ASPM: variants seen among roughly 807,000 people sequenced by gnomAD.
ASPM encodes assembly factor for spindle microtubules.
In ASPM, 256 loss-of-function variants were observed where a neutral mutation model predicts 366.4. The observed-to-expected ratio is 0.70, with a 90% CI of 0.63 to 0.77. The LOEUF is 0.77. Ranked by LOEUF, ASPM falls within the 30% of genes least tolerant of loss-of-function variation. The probability of loss-of-function intolerance (pLI) is 0.00; values close to 1 mark genes in which losing one functional copy is unlikely to be tolerated. For synonymous variants in ASPM, 1,414 were observed against 1,342.9 expected (o/e 1.05, Z -1.16); for missense variants, 4,146 against 4,090.4 (o/e 1.01, Z -0.37).
chr1:197,101,004 A>C lies in ASPM; in HGVS notation c.8247T>G (p.Phe2749Leu), dbSNP rs769152290. 14 of 1,612,350 alleles carry C rather than the reference A, an allele frequency of 8.7e-6. No individual in the cohort carries two copies. The highest frequency in any genetic ancestry group is 1.2e-5 in the Non-Finnish European group (14 of 1,179,146). ...QKSVRTIQAA[F>L]RGMKVRQKLK... Reference sequence around the variant, plus strand: ...ATTTTTGTCTAACTTTCATGCCTCTAAAAGCAGCCTGAATAGTTCGTACAG... The same window carrying C: ...ATTTTTGTCTAACTTTCATGCCTCTCAAAGCAGCCTGAATAGTTCGTACAG... The change falls in exon 18 of 28, where the codon TTT (phenylalanine) becomes TTG (leucine). Residue 2749 changes from phenylalanine to leucine, a missense_variant. Phe to Leu is a conservative substitution (Grantham distance 22). This residue lies in a region of ASPM where 3,624 missense variants were observed against 3,591.7 expected (regional missense o/e 1.01). Coordinates refer to ENST00000367409, the MANE Select transcript of ASPM (RefSeq NM_018136.5).
Position 197,090,913 on chromosome 1 carries a change from T to C in ASPM, c.9573A>G (p.Ala3191=), listed in dbSNP as rs886044195. Residue 3191 remains alanine, a synonymous_variant, in exon 23 of 28, where the codon GCA becomes GCG. Coordinates refer to ENST00000367409, the MANE Select transcript of ASPM (RefSeq NM_018136.5). The part of the protein sequence containing the change: ...RNRAASVIQK[A]VRHFLLRKKQ... ...TTTTACGGAGGAGAAAATGGCGCAC[T>C]GCTTTCTGTATTACTGATGCAGCCC... 1 of 1,613,512 alleles carries C rather than the reference T, an allele frequency of 6.2e-7. No individual in the cohort carries two copies. The highest frequency in any genetic ancestry group is 8.5e-7 in the Non-Finnish European group (1 of 1,179,652).
chr1:197,127,758 A>T (rs1215855251), intron 10 of ASPM, among the ~76,000 whole-genome samples: 1 of 152,234 alleles, frequency 6.6e-6, no homozygotes, highest in Middle Eastern at 3.2e-3. Flanking sequence ...ACTGTGGAAA[A>T]CTTGGGCAAT....
intron 17 of ASPM, among the ~76,000 whole-genome samples, chr1:197,115,989 C>A (rs910536700): frequency 3.3e-5 from 5 of 152,160 alleles, no homozygotes; most frequent in African/African-American, 1.2e-4. Context: ...TTTCCCCTTT[C>A]TAGATGCAAA....
At position 197,101,840 on chromosome 1, in the gene ASPM, G is replaced by C. The variant is rs1226568874; in HGVS notation, c.7411C>G (p.Leu2471Val). Reference sequence around the variant, plus strand: ...TCTTGTAACTTCTTCTTTACCATCAGTCTTCTGTAAGATGACTGTATTGTA... The same window carrying C: ...TCTTGTAACTTCTTCTTTACCATCACTCTTCTGTAAGATGACTGTATTGTA... The part of the protein sequence containing the change: ...AITIQSSYRR[L>V]MVKKKLQEMQ... The change falls in exon 18 of 28, where the codon CTG (leucine) becomes GTG (valine). Residue 2471 changes from leucine to valine, a missense_variant. By Grantham distance (32) the Leu-to-Val change is conservative (BLOSUM62 1). This residue lies in a region of ASPM where 3,624 missense variants were observed against 3,591.7 expected (regional missense o/e 1.01). Coordinates refer to ENST00000367409, the MANE Select transcript of ASPM (RefSeq NM_018136.5). 9.3e-6 allele frequency: 15 copies of C among 1,612,756 alleles called. No individual in the cohort carries two copies. Among genetic ancestry groups the C allele is most frequent in the Non-Finnish European group, 1.3e-5 (15 of 1,179,284 alleles).
In ASPM at chr1:197,102,630, T is replaced by C. The variant is rs761157220; in HGVS notation, c.6621A>G (p.Thr2207=). Residue 2207 remains threonine, a synonymous_variant, in exon 18 of 28, where the codon ACA becomes ACG. Coordinates refer to ENST00000367409, the MANE Select transcript of ASPM (RefSeq NM_018136.5). Reference sequence around the variant, plus strand: ...TTATTTTCTTTAACTTATTAAAGTATGTTTGCTGTCTGTATCTTCTGTAGT... The same window carrying C: ...TTATTTTCTTTAACTTATTAAAGTACGTTTGCTGTCTGTATCTTCTGTAGT... ...QSNYRRYRQQ[T]YFNKLKKITK... 3 of 1,612,748 alleles carry C rather than the reference T, an allele frequency of 1.9e-6. No homozygotes were observed. The highest frequency in any genetic ancestry group is 2.5e-6 in the Non-Finnish European group (3 of 1,179,294).
chr1:197,117,531 G>A (rs773090537), intron 17 of ASPM, among the ~76,000 whole-genome samples: 11 of 152,052 alleles, frequency 7.2e-5, no homozygotes, highest in African/African-American at 1.9e-4. Flanking sequence ...GTCCCACAGC[G>A]TAGAAGACGC....
intron 9 of ASPM, 67 bp downstream of exon 9, chr1:197,129,120 A>C: frequency 6.5e-7 from 1 of 1,546,684 alleles, no homozygotes; most frequent in Non-Finnish European, 8.8e-7. Flanking sequence ...GAGAAAACAT[A>C]CCATGAAAGC....
intron 6 of ASPM, among the ~76,000 whole-genome samples, chr1:197,132,713 T>C (rs977602374): frequency 6.6e-6 from 1 of 150,552 alleles, no homozygotes; most frequent in Non-Finnish European, 1.5e-5. Context: ...ATGTGGGGTA[T>C]GTGTATGTGT....
In ASPM at chr1:197,093,051, C is replaced by A; in HGVS notation, c.9294+1G>T. The A allele has an allele frequency of 6.3e-7, 1 of 1,598,206 alleles. No homozygotes were observed. On this transcript the variant is annotated splice_donor_variant, in intron 21 of 27. Transcript: ENST00000367409. LOFTEE classifies it high-confidence loss of function. The stretch of plus-strand genomic sequence containing the variant: ...GAGATATGCTACTTGAAAATACTTA[C>A]TCTTTTTCGTACTAGCCAACCACGC...
chr1:197,125,097 T>G lies in ASPM; in HGVS notation c.3031A>C (p.Ile1011Leu). The change falls in exon 11 of 28, where the codon ATT becomes CTT. Residue 1011 changes from isoleucine (I) to leucine (L), a missense_variant. This residue lies in a region of ASPM where 3,624 missense variants were observed against 3,591.7 expected (regional missense o/e 1.01). Transcript: ENST00000367409. ...SRLQKMHNVD[I>L]VLQVLKSRGI... ...CGTGATTTAAGAACTTGAAGAACAA[T>G]GTCAACATTGTGCATCTTTTGAAGA... The G allele has an allele frequency of 6.2e-7, 1 of 1,614,094 alleles. No homozygotes were observed. The highest frequency in any genetic ancestry group is 1.1e-5 in the South Asian group (1 of 91,082).
intron 4 of ASPM, among the ~76,000 whole-genome samples, chr1:197,136,548 G>A (rs1290647143): frequency 2.6e-5 from 4 of 151,792 alleles, no homozygotes; most frequent in African/African-American, 9.7e-5. Flanking sequence ...TTGAAGTTAA[G>A]TTGAAATAAA....
chr1:197,114,714 TG>T (rs1357252358), intron 17 of ASPM, among the ~76,000 whole-genome samples: 5 of 152,102 alleles, frequency 3.3e-5, no homozygotes, highest in African/African-American at 1.2e-4. Flanking sequence ...GCTGGGACTA[TG>T]GATGTGTGCC....
intron 12 of ASPM, 95 bp downstream of exon 12, chr1:197,124,774 TG>T: frequency 3.0e-6 from 3 of 983,918 alleles, no homozygotes; most frequent in Non-Finnish European, 4.9e-6. Flanking sequence ...TATTAAATGA[TG>T]GTTGTTGTTG....
rs11378728 is a variant in ASPM, at chr1:197,141,184, TA to T, written c.1921+1146del. Among the ~76,000 whole-genome samples, 257 of 150,744 alleles carry T rather than the reference TA, an allele frequency of 1.7e-3. 1 individual carries two copies. Among genetic ancestry groups the T allele is most frequent in the African/African-American group, 5.5e-3 (225 of 41,054 alleles). ...TATAGCTTTTACATTTGTAAAGAGT[TA>T]AAAAAAAAATGAAAATAATAATATT... On this transcript the variant is annotated intron_variant, in intron 3 of 27. Coordinates refer to ENST00000367409, the MANE Select transcript of ASPM (RefSeq NM_018136.5).
rs2125094157 is a variant in ASPM at position 197,101,624 on chromosome 1, C to T, written c.7627G>A (p.Gly2543Arg). Residue 2543 changes from glycine to arginine, a missense_variant, in exon 18 of 28, where the codon GGA (glycine) becomes AGA (arginine). Transcript: ENST00000367409. ...SAVVIQAAYK[G>R]MKARQLLREK... ...CTTAAAAGTTGTCTTGCTTTCATTC[C>T]TTTATATGCAGCCTGAATAACCACA... is the stretch of plus-strand genomic sequence containing the variant. 8 of 1,611,514 alleles carry T rather than the reference C, an allele frequency of 5.0e-6. No individual in the cohort carries two copies. The highest frequency in any genetic ancestry group is 6.8e-6 in the Non-Finnish European group (8 of 1,179,084).
chr1:197,136,254 T>C (rs973552927), intron 4 of ASPM, among the ~76,000 whole-genome samples: 2 of 152,244 alleles, frequency 1.3e-5, no homozygotes, highest in South Asian at 2.1e-4. Flanking sequence ...GTCCTTCAGG[T>C]TGAAATAAAT....
At chr1:197,120,095 A>C (rs937921927) in intron 16 of ASPM, among the ~76,000 whole-genome samples, 2 of 152,150 alleles carry the variant, frequency 1.3e-5, no homozygotes, top group Non-Finnish European at 2.9e-5. Flanking sequence ...AAGAAGTTTA[A>C]CCATAAGTAT....
intron 4 of ASPM, among the ~76,000 whole-genome samples, chr1:197,136,940 G>C (rs1462430799): frequency 6.6e-6 from 1 of 151,834 alleles, no homozygotes; most frequent in Non-Finnish European, 1.5e-5. Context: ...TTATAGCTCT[G>C]GGAAAATAGA....
rs202011814 is a variant in ASPM, at chr1:197,092,115, GT to G, written c.9295-60del. On this transcript the variant is annotated intron_variant, in intron 21 of 27. Coordinates refer to ENST00000367409, the MANE Select transcript of ASPM (RefSeq NM_018136.5). ...CTGCCTCCTAAGTTAATCAATGAGT[GT>G]TTTTTTTTGTATAACCTCAACATCA... The G allele has an allele frequency of 1.4e-4, 212 of 1,504,788 alleles. 1 individual carries two copies. Among genetic ancestry groups the G allele is most frequent in the South Asian group, 7.6e-4 (66 of 86,604 alleles). 93.2% of individuals were successfully genotyped at this position (1,504,788 alleles called of 1,614,324 possible).
Sources: allele counts gnomAD v4.1 joint callset (sites outside exome capture counted in the v4.1 genomes callset), GRCh38; gene constraint gnomAD v4.1.1; regional missense constraint gnomAD v4.1.1; transcripts MANE v1.5; gene names NCBI Gene and HGNC (gene_info 2026-07-23, HGNC 2026-07-21).